The following MAOB variants were observed in gnomAD, a reference collection of about 807,000 sequenced individuals.
MAOB encodes amine oxidase [flavin-containing] B.
In MAOB, 15 loss-of-function variants were observed where a neutral mutation model predicts 41.9. The ratio of observed to expected loss-of-function variants is 0.36; its 90% CI spans 0.24 to 0.55. MAOB has a LOEUF of 0.55. Ranked by LOEUF, MAOB falls within the 20% of genes least tolerant of loss-of-function variation. MAOB has a pLI of 0.86. For missense variants in MAOB, 345 were observed against 398.7 expected (o/e 0.87, Z 1.15); for synonymous variants, 167 against 144.2 (o/e 1.16, Z -1.13).
chrX:43,774,874 G>A (rs2034232323), intron 12 of MAOB, among the ~76,000 whole-genome samples: 1 of 111,402 alleles, frequency 9.0e-6, no homozygotes, highest in African/African-American at 3.3e-5. Context: ...GGCATGCAAT[G>A]CGTAATAATC....
In MAOB at chrX:43,877,273, A is replaced by T. The variant is rs191546225; in HGVS notation, c.46+4981T>A. On this transcript the variant is annotated intron_variant, in intron 1 of 14. Coordinates refer to ENST00000378069, the MANE Select transcript of MAOB (RefSeq NM_000898.5). ...AGCCTAGACCTCAATACCCAGTCAG[A>T]GGAGAAGAAAATTGTGACCATTGTC... is the stretch of plus-strand genomic sequence containing the variant. Among the ~76,000 whole-genome samples the T allele has an allele frequency of 9.0e-5, 10 of 111,230 alleles. No homozygotes were observed. The East Asian group carries it at 2.9e-3, about 32-fold the overall frequency.
intron 1 of MAOB, among the ~76,000 whole-genome samples, chrX:43,857,542 C>T (rs2035306713): frequency 9.0e-6 from 1 of 110,960 alleles, no homozygotes; most frequent in Admixed American, 9.6e-5. Context: ...GGCTAACATC[C>T]CCAAAGCACT....
chrX:43,876,502 A>G (rs965532545), intron 1 of MAOB, among the ~76,000 whole-genome samples: 1 of 111,515 alleles, frequency 9.0e-6, no homozygotes, highest in Non-Finnish European at 1.9e-5. Context: ...ATTGAACTCC[A>G]CAAAAAAACT....
In MAOB at chrX:43,838,825, A is replaced by C. The variant is rs186094223; in HGVS notation, c.279+43T>G. 3 of 1,124,561 alleles carry C rather than the reference A, an allele frequency of 2.7e-6. No homozygotes were observed. In the African/African-American group the frequency reaches 5.5e-5, roughly 21 times the overall value. The allele number at this position is 1,124,561 out of a possible 1,213,427, so 92.7% of individuals were successfully genotyped here. On this transcript the variant is annotated intron_variant, in intron 3 of 14. Transcript: ENST00000378069. ...TCTGGAATTTGTGTAAGGAAACATC[A>C]TAGAGAAGTTTTCAAATCCTTCAAA... is the stretch of plus-strand genomic sequence containing the variant.
intron 2 of MAOB, among the ~76,000 whole-genome samples, chrX:43,840,246 A>T (rs2035118457): frequency 9.0e-6 from 1 of 111,071 alleles, no homozygotes; most frequent in African/African-American, 3.3e-5. Context: ...CTGGTAAGGT[A>T]CCCTCTTATG....
At chrX:43,839,058 A>G (rs2035103174) in intron 2 of MAOB, 53 bp from the exon 3 acceptor site, 7 of 930,699 alleles carry the variant, frequency 7.5e-6, no homozygotes, top group Non-Finnish European at 1.0e-5. Flanking sequence ...TGTATAAAAT[A>G]ACAAAAGACA....
intron 3 of MAOB, among the ~76,000 whole-genome samples, chrX:43,820,911 T>C (rs2034872145): frequency 8.9e-6 from 1 of 112,464 alleles, no homozygotes; most frequent in Non-Finnish European, 1.9e-5. Context: ...GATGAAAGCA[T>C]TGGCTCAAGA....
chrX:43,843,725 T>C lies in MAOB; in HGVS notation c.86A>G (p.Asn29Ser). 2 of 1,210,806 alleles carry C rather than the reference T, an allele frequency of 1.7e-6. No homozygotes were observed. Among genetic ancestry groups the C allele is most frequent in the Non-Finnish European group, 2.2e-6 (2 of 895,090 alleles). ...AAKLLHDSGL[N>S]VVVLEARDRV... Reference sequence around the variant, plus strand: ...GTCCCGGGCTTCCAGAACAACCACATTCAGTCCAGAGTCATGCAGAAGTTT... The same window carrying C: ...GTCCCGGGCTTCCAGAACAACCACACTCAGTCCAGAGTCATGCAGAAGTTT... The change falls in exon 2 of 15, where the codon AAT (asparagine) becomes AGT (serine). Residue 29 changes from asparagine to serine, a missense_variant. Asn to Ser is a conservative substitution (Grantham distance 46, BLOSUM62 1). Coordinates refer to ENST00000378069, the MANE Select transcript of MAOB (RefSeq NM_000898.5).
At chrX:43,794,178 C>T (rs1418221785) in intron 7 of MAOB, among the ~76,000 whole-genome samples, 3 of 111,692 alleles carry the variant, frequency 2.7e-5, no homozygotes, top group Non-Finnish European at 3.8e-5. Context: ...CCTGGCCCTG[C>T]CATTTTGATC....
At chrX:43,785,493 A>G (rs1460687447) in intron 8 of MAOB, among the ~76,000 whole-genome samples, 3 of 112,678 alleles carry the variant, frequency 2.7e-5, no homozygotes, top group Non-Finnish European at 5.6e-5. Context: ...CTTATCATTC[A>G]TATGTTCACT....
At chrX:43,828,108 T>C (rs181178233) in intron 3 of MAOB, among the ~76,000 whole-genome samples, 3 of 112,028 alleles carry the variant, frequency 2.7e-5, no homozygotes, top group African/African-American at 9.7e-5. Flanking sequence ...AGGATCAATG[T>C]TATTAGATAT....
intron 12 of MAOB, among the ~76,000 whole-genome samples, chrX:43,769,891 G>C (rs1410243234): frequency 9.0e-6 from 1 of 111,676 alleles, no homozygotes; most frequent in Non-Finnish European, 1.9e-5. Flanking sequence ...CTTTCAATCA[G>C]TAACATTTAA....
At chrX:43,771,896 G>A (rs1449361082) in intron 12 of MAOB, among the ~76,000 whole-genome samples, 3 of 111,822 alleles carry the variant, frequency 2.7e-5, no homozygotes, top group Middle Eastern at 4.7e-3. Context: ...TTGCAGGTGC[G>A]TGAACAGACA....
intron 3 of MAOB, among the ~76,000 whole-genome samples, chrX:43,805,745 C>T (rs1023017307): frequency 8.1e-5 from 9 of 111,689 alleles, no homozygotes; most frequent in African/African-American, 1.3e-4. Flanking sequence ...TTGTACAGGT[C>T]TTTTTGTGTA....
intron 3 of MAOB, among the ~76,000 whole-genome samples, chrX:43,804,144 G>A (rs1186791866): frequency 1.8e-5 from 2 of 111,292 alleles, no homozygotes; most frequent in African/African-American, 6.5e-5. Context: ...CTGAAAACCC[G>A]AGTCAGAAGC....
At chrX:43,878,798 T>A (rs1439526274) in intron 1 of MAOB, among the ~76,000 whole-genome samples, 3 of 110,402 alleles carry the variant, frequency 2.7e-5, no homozygotes, top group East Asian at 5.8e-4. Flanking sequence ...CCAGTACCAC[T>A]AGCCTGCAGC....
rs149093619 is a variant in MAOB, at chrX:43,793,532, A to G, written c.815T>C (p.Ile272Thr). Residue 272 changes from isoleucine to threonine, a missense_variant, in exon 8 of 15, where the codon ATT becomes ACT. Ile to Thr is a moderately conservative substitution (Grantham distance 89, BLOSUM62 -1). Coordinates refer to ENST00000378069, the MANE Select transcript of MAOB (RefSeq NM_000898.5). The stretch of plus-strand genomic sequence containing the variant: ...CATTGGCAGAGGGGGATTGAAGTGA[A>G]TCTTCATGCCCAGAGTAGGAGGAAT... ...SAIPPTLGMK[I>T]HFNPPLPMMR... 2 of 1,201,775 alleles carry G rather than the reference A, an allele frequency of 1.7e-6. No homozygotes were observed. The highest frequency in any genetic ancestry group is 2.2e-6 in the Non-Finnish European group (2 of 889,279).
chrX:43,776,269 C>T lies in MAOB; in HGVS notation c.1138-997G>A, dbSNP rs781199256. Among the ~76,000 whole-genome samples the T allele has an allele frequency of 1.1e-4, 12 of 112,784 alleles. No individual in the cohort carries two copies. In the South Asian group the frequency reaches 2.9e-3, roughly 28 times the overall value. On this transcript the variant is annotated intron_variant, in intron 11 of 14. Coordinates refer to ENST00000378069, the MANE Select transcript of MAOB (RefSeq NM_000898.5). ...ACCAAAGCAAAAAGAAAACAAGTGG[C>T]CTTCTCTATGCCAAGAGCAAACAAG...
rs1434708515 is a variant in MAOB, at chrX:43,773,416, C to T, written c.1235+1759G>A. Among the ~76,000 whole-genome samples the T allele has an allele frequency of 4.4e-5, 5 of 112,621 alleles. 1 individual carries two copies. The South Asian group carries it at 1.8e-3, about 41-fold the overall frequency. ...ATATCATGTCCTCTCCCCATCCCCA[C>T]CCTAGCCCTCAACACTGTCAGCTCC... On this transcript the variant is annotated intron_variant, in intron 12 of 14. Transcript: ENST00000378069.
Sources: allele counts gnomAD v4.1 joint callset (sites outside exome capture counted in the v4.1 genomes callset), GRCh38; gene constraint gnomAD v4.1.1; transcripts MANE v1.5; gene names NCBI Gene and HGNC (gene_info 2026-07-23, HGNC 2026-07-21).